The following SLC38A3 variants were observed in gnomAD, a reference collection of about 807,000 sequenced individuals.
SLC38A3 encodes the protein sodium-coupled neutral amino acid transporter 3.
Under a neutral mutation model 59.5 loss-of-function variants are expected in SLC38A3, and 17 were observed. The observed-to-expected ratio is 0.29, with a 90% CI of 0.20 to 0.43. The LOEUF (loss-of-function observed/expected upper bound fraction) is 0.43, where lower values mean the gene tolerates loss of function less well. Among genes scored for constraint, SLC38A3 ranks in the 20% least tolerant of loss-of-function variants. The pLI is 1.00. For missense variants in SLC38A3, 454 were observed against 653.9 expected (o/e 0.69, Z 3.33); for synonymous variants, 238 against 260.3 (o/e 0.91, Z 0.82).
intron 14 of SLC38A3, 57 bp from the exon 15 acceptor site, chr3:50,219,824 G>A (rs1278248345): frequency 2.8e-6 from 4 of 1,436,514 alleles, no homozygotes; most frequent in African/African-American, 1.4e-5. Context: ...GTCCACCCCC[G>A]AACCTTAGTC....
rs1417866811 is a variant in SLC38A3, at chr3:50,219,953, A to G, written c.1379A>G (p.Lys460Arg). The G allele has an allele frequency of 3.1e-6, 5 of 1,612,916 alleles. No homozygotes were observed. Among genetic ancestry groups the G allele is most frequent in the Non-Finnish European group, 4.2e-6 (5 of 1,179,542 alleles). The change falls in exon 15 of 16, where the codon AAG (lysine) becomes AGG (arginine). Residue 460 changes from lysine to arginine, a missense_variant. By Grantham distance (26) the Lys-to-Arg change is conservative. Coordinates refer to ENST00000614032, the MANE Select transcript of SLC38A3 (RefSeq NM_006841.6). ...IFYFRIMPTE[K>R]EPARSTPKIL... ...TACTTCCGAATCATGCCCACGGAGAAGGAGCCTGCAAGATCCACCCCCAAA... is the reference window on the plus strand; with the variant it reads ...TACTTCCGAATCATGCCCACGGAGAGGGAGCCTGCAAGATCCACCCCCAAA...
Position 50,214,125 on chromosome 3 carries a change from C to G in SLC38A3, c.-51-24C>G. Reference sequence around the variant, plus strand: ...CCGTAGGCCCAAGTAACGGGGCTAACCAGAGGGACCGGCTGCTCTGCAGAC... The same window carrying G: ...CCGTAGGCCCAAGTAACGGGGCTAAGCAGAGGGACCGGCTGCTCTGCAGAC... On this transcript the variant is annotated intron_variant, in intron 1 of 15. Transcript: ENST00000614032. This position sits in a 1 kb window ranked among gnomAD's most constrained non-coding sequence, Gnocchi z 6.0. 1 of 1,442,842 alleles carries G rather than the reference C, an allele frequency of 6.9e-7. No homozygotes were observed. Among genetic ancestry groups the G allele is most frequent in the Non-Finnish European group, 9.6e-7 (1 of 1,041,950 alleles). 89.4% of individuals were successfully genotyped at this position (1,442,842 alleles called of 1,614,324 possible).
chr3:50,206,884 A>T (rs1699654389), intron 1 of SLC38A3, among the ~76,000 whole-genome samples: 1 of 152,218 alleles, frequency 6.6e-6, no homozygotes, highest in African/African-American at 2.4e-5. Context: ...AGGTTGCCAG[A>T]TCATGACAAC....
chr3:50,207,194 G>A (rs1412662558), intron 1 of SLC38A3: 1 of 152,318 alleles, frequency 6.6e-6, no homozygotes, highest in African/African-American at 2.4e-5. Flanking sequence ...CTATGCTATA[G>A]TAGAATTGGG....
chr3:50,218,598 G>A lies in SLC38A3; in HGVS notation c.1042G>A (p.Val348Met). Residue 348 changes from valine (V) to methionine (M), a missense_variant, in exon 13 of 16, where the codon GTG (valine) becomes ATG (methionine). Physicochemically the swap from Val to Met is conservative, Grantham distance 21. This residue lies in a region of SLC38A3 where 390 missense variants were observed against 557.9 expected (regional missense o/e 0.70). Coordinates refer to ENST00000614032, the MANE Select transcript of SLC38A3 (RefSeq NM_006841.6). This position sits in a 1 kb window ranked among gnomAD's most constrained non-coding sequence, Gnocchi z 5.8. ...LFGYLTFYNG[V>M]ESELLHTYSK... Reference sequence around the variant, plus strand: ...ACCCTCCCTGCCTGCCACAGACGGGGTGGAGTCGGAGCTGCTGCACACCTA... The same window carrying A: ...ACCCTCCCTGCCTGCCACAGACGGGATGGAGTCGGAGCTGCTGCACACCTA... 2 of 1,612,602 alleles carry A rather than the reference G, an allele frequency of 1.2e-6. No individual in the cohort carries two copies. Among genetic ancestry groups the A allele is most frequent in the Non-Finnish European group, 1.7e-6 (2 of 1,179,342 alleles).
Position 50,220,267 on chromosome 3 carries a change from G to C in SLC38A3, c.*90G>C. 1 of 960,784 alleles carries C rather than the reference G, an allele frequency of 1.0e-6. No homozygotes were observed. 59.5% of individuals were successfully genotyped at this position (960,784 alleles called of 1,614,324 possible). A position where few individuals can be genotyped will look rare whatever the true frequency, so the allele number is the denominator to read the frequency against. Reference sequence around the variant, plus strand: ...TCCCATCCAGTGGCCAGTCGGGGGAGGAGAAAGACGCGATTAACACTGTGG... The same window carrying C: ...TCCCATCCAGTGGCCAGTCGGGGGACGAGAAAGACGCGATTAACACTGTGG... On this transcript the variant is annotated 3_prime_UTR_variant, in exon 16 of 16. Transcript: ENST00000614032.
chr3:50,217,737 G>T lies in SLC38A3; in HGVS notation c.752G>T (p.Gly251Val). 1 of 1,613,622 alleles carries T rather than the reference G, an allele frequency of 6.2e-7. No individual in the cohort carries two copies. Among genetic ancestry groups the T allele is most frequent in the Non-Finnish European group, 8.5e-7 (1 of 1,179,796 alleles). ...PLPPNFNNTTGNFSHVEIVKE... is the reference protein window; with the variant it reads ...PLPPNFNNTTVNFSHVEIVKE... ...CCCCCCAACTTCAACAACACCACAG[G>T]CAACTTCAGCCACGTGGAGATCGTG... Residue 251 changes from glycine (G) to valine (V), a missense_variant, in exon 10 of 16, where the codon GGC (glycine) becomes GTC (valine). This residue lies in a region of SLC38A3 where 390 missense variants were observed against 557.9 expected (regional missense o/e 0.70). Coordinates refer to ENST00000614032, the MANE Select transcript of SLC38A3 (RefSeq NM_006841.6). This position sits in a 1 kb window ranked among gnomAD's most constrained non-coding sequence, Gnocchi z 4.9.
At chr3:50,208,121 G>C (rs1699669646) in intron 1 of SLC38A3, among the ~76,000 whole-genome samples, 1 of 152,242 alleles carries the variant, frequency 6.6e-6, no homozygotes, top group African/African-American at 2.4e-5. Flanking sequence ...AGGTGCAGCA[G>C]CCTTTTTGTG....
chr3:50,205,569 G>A (rs1007304583), intron 1 of SLC38A3, among the ~76,000 whole-genome samples: 1 of 152,260 alleles, frequency 6.6e-6, no homozygotes, highest in Admixed American at 6.5e-5. Context: ...GCAGGGCCCT[G>A]GGGGTACCGG....
At chr3:50,211,338 C>A (rs562885158) in intron 1 of SLC38A3, among the ~76,000 whole-genome samples, 2 of 152,334 alleles carry the variant, frequency 1.3e-5, no homozygotes, top group African/African-American at 4.8e-5. Flanking sequence ...CTGCCCTGGA[C>A]CAAAGTCCAG....
rs1198793667 is a variant in SLC38A3, at chr3:50,214,490, A to C, written c.183+7A>C. ...GGAGCCACACTTCACTGACGTGAGC[A>C]GGGCAGCAACGGGTTTTAGGGGACA... On this transcript the variant is annotated splice_region_variant and intron_variant, in intron 3 of 15. Transcript: ENST00000614032. This position sits in a 1 kb window ranked among gnomAD's most constrained non-coding sequence, Gnocchi z 6.0. 1.3e-6 allele frequency: 2 copies of C among 1,560,654 alleles called. No individual in the cohort carries two copies. The highest frequency in any genetic ancestry group is 2.7e-5 in the African/African-American group (2 of 73,386).
At position 50,215,297 on chromosome 3, in the gene SLC38A3, C is replaced by G; in HGVS notation, c.300-89C>G. On this transcript the variant is annotated intron_variant, in intron 4 of 15. Coordinates refer to ENST00000614032, the MANE Select transcript of SLC38A3 (RefSeq NM_006841.6). The surrounding 1 kb of genome is among the most constrained non-coding windows in gnomAD (Gnocchi z 7.1). Reference sequence around the variant, plus strand: ...GACACCCAGGTCACAGACCCTCCACCCCCAGGCCTCCCAGAGCCCCTCACC... The same window carrying G: ...GACACCCAGGTCACAGACCCTCCACGCCCAGGCCTCCCAGAGCCCCTCACC... The G allele has an allele frequency of 1.7e-6, 2 of 1,205,912 alleles. No homozygotes were observed. Among genetic ancestry groups the G allele is most frequent in the Non-Finnish European group, 2.5e-6 (2 of 815,722 alleles). 74.7% of individuals were successfully genotyped at this position (1,205,912 alleles called of 1,614,324 possible). A position where few individuals can be genotyped will look rare whatever the true frequency, so the allele number is the denominator to read the frequency against.
Position 50,221,012 on chromosome 3 carries a change from G to A in SLC38A3, c.*835G>A, listed in dbSNP as rs767624760. The A allele has an allele frequency of 2.0e-5, 3 of 152,330 alleles. No homozygotes were observed. The highest frequency in any genetic ancestry group is 2.9e-5 in the Non-Finnish European group (2 of 68,100). The allele number at this position is 152,330 out of a possible 1,614,324, so 9.4% of individuals were successfully genotyped here. A position where few individuals can be genotyped will look rare whatever the true frequency, so the allele number is the denominator to read the frequency against. On this transcript the variant is annotated 3_prime_UTR_variant, in exon 16 of 16. Coordinates refer to ENST00000614032, the MANE Select transcript of SLC38A3 (RefSeq NM_006841.6). ...TCTATTCTTGGTCTCCATGGTCCCTGGATTCCTGGAAAGTGAGGTACGGGC... is the reference window on the plus strand; with the variant it reads ...TCTATTCTTGGTCTCCATGGTCCCTAGATTCCTGGAAAGTGAGGTACGGGC...
In SLC38A3 at chr3:50,215,440, C is replaced by T. The variant is rs200039068; in HGVS notation, c.354C>T (p.Leu118=). ...LLSSYSIHLL[L]KSSGVVGIRA... The stretch of plus-strand genomic sequence containing the variant: ...CCAGCTACTCCATCCACCTGCTACT[C>T]AAGTCCTCAGGGGTCGTGGGTGAGC... The change falls in exon 5 of 16, where the codon CTC becomes CTT. Residue 118 remains leucine, a synonymous_variant. Coordinates refer to ENST00000614032, the MANE Select transcript of SLC38A3 (RefSeq NM_006841.6). The surrounding 1 kb of genome is among the most constrained non-coding windows in gnomAD (Gnocchi z 7.1). 5.6e-6 allele frequency: 9 copies of T among 1,613,894 alleles called. No homozygotes were observed.
intron 1 of SLC38A3, among the ~76,000 whole-genome samples, chr3:50,208,913 A>G (rs1699683717): frequency 6.6e-6 from 1 of 151,784 alleles, no homozygotes. Flanking sequence ...CTGATGTTGG[A>G]TGTCTCCCCT....
rs777038681 is a variant in SLC38A3 at position 50,215,596 on chromosome 3, G to A, written c.426G>A (p.Lys142=). ...ACCGTGCCTTTGGGACCCCAGGAAA[G>A]CTGGCAGCAGCCCTGGCCATCACGC... The part of the protein sequence containing the change: ...LGYRAFGTPG[K]LAAALAITLQ... The change falls in exon 6 of 16, where the codon AAG becomes AAA. Residue 142 remains lysine, a synonymous_variant. Transcript: ENST00000614032. This position sits in a 1 kb window ranked among gnomAD's most constrained non-coding sequence, Gnocchi z 7.1. 5.0e-6 allele frequency: 8 copies of A among 1,613,694 alleles called. No homozygotes were observed. Among genetic ancestry groups the A allele is most frequent in the Non-Finnish European group, 6.8e-6 (8 of 1,179,900 alleles).
At position 50,217,435 on chromosome 3, in the gene SLC38A3, G is replaced by A. The variant is rs757683803; in HGVS notation, c.652G>A (p.Gly218Ser). The A allele has an allele frequency of 1.1e-5, 17 of 1,613,444 alleles. No homozygotes were observed. Among genetic ancestry groups the A allele is most frequent in the African/African-American group, 2.7e-5 (2 of 75,036 alleles). Residue 218 changes from glycine to serine, a missense_variant, in exon 9 of 16, where the codon GGC becomes AGC. Physicochemically the swap from Gly to Ser is moderately conservative, Grantham distance 56. Coordinates refer to ENST00000614032, the MANE Select transcript of SLC38A3 (RefSeq NM_006841.6). The surrounding 1 kb of genome is among the most constrained non-coding windows in gnomAD (Gnocchi z 4.9). ...TGCAGGCTACCTGGGCTACTCCAGC[G>A]GCTTCTCTCTTAGCTGCATGGTGTT... ...RQLGYLGYSSGFSLSCMVFFL... is the reference protein window; with the variant it reads ...RQLGYLGYSSSFSLSCMVFFL...
intron 1 of SLC38A3, among the ~76,000 whole-genome samples, chr3:50,209,227 C>T (rs1699689470): frequency 6.6e-6 from 1 of 151,586 alleles, no homozygotes; most frequent in Non-Finnish European, 1.5e-5. Flanking sequence ...CTAGCCCACT[C>T]GTGAACCAAG....
chr3:50,212,158 G>C (rs1282690690), intron 1 of SLC38A3, among the ~76,000 whole-genome samples: 1 of 152,230 alleles, frequency 6.6e-6, no homozygotes, highest in Non-Finnish European at 1.5e-5. Context: ...TCAGACCTCA[G>C]ACACCTCCCA....
Sources: allele counts gnomAD v4.1 joint callset (sites outside exome capture counted in the v4.1 genomes callset), GRCh38; gene constraint gnomAD v4.1.1; regional missense constraint gnomAD v4.1.1; non-coding constraint Gnocchi (gnomAD v3.1); transcripts MANE v1.5; gene names NCBI Gene and HGNC (gene_info 2026-07-23, HGNC 2026-07-21).